Variants in PRELID3A observed in about 807,000 individuals in gnomAD.
The protein encoded by PRELID3A is PRELI domain containing protein 3A.
PRELID3A carries 27 observed loss-of-function variants against 23.0 expected under a neutral mutation model. That is an observed-to-expected ratio of 1.17 (90% CI 0.87 to 1.62). PRELID3A has a LOEUF of 1.62. PRELID3A is among the 40% of genes most tolerant of loss of function. PRELID3A has a pLI of 0.00. For missense variants in PRELID3A, 231 were observed against 231.4 expected, an observed-to-expected ratio of 1.00 and a Z score of 0.01; for synonymous variants, 87 against 86.4, an observed-to-expected ratio of 1.01 and a Z score of -0.04.
chr18:12,414,619 G>C (rs112757295), intron 1 of PRELID3A, among the ~76,000 whole-genome samples: 7 of 152,146 alleles, frequency 4.6e-5, no homozygotes, highest in South Asian at 2.1e-4. Flanking sequence ...CTAGCTACTC[G>C]GGAAGCTGAG....
intron 5 of PRELID3A, among the ~76,000 whole-genome samples, chr18:12,427,546 T>A (rs938246959): frequency 5.9e-5 from 9 of 151,848 alleles, no homozygotes; most frequent in Non-Finnish European, 8.8e-5. Flanking sequence ...AATACAAAAA[T>A]TAGCTGGGCA....
Position 12,432,043 on chromosome 18 carries a change from A to G in PRELID3A, c.*927A>G, listed in dbSNP as rs1225657555. 2.0e-5 allele frequency: 3 copies of G among 152,276 alleles called. No homozygotes were observed. Among genetic ancestry groups the G allele is most frequent in the East Asian group, 3.8e-4 (2 of 5,200 alleles). The allele number at this position is 152,276 out of a possible 1,614,324, so 9.4% of individuals were successfully genotyped here. A position where few individuals can be genotyped will look rare whatever the true frequency, so the allele number is the denominator to read the frequency against. On this transcript the variant is annotated 3_prime_UTR_variant, in exon 7 of 7. Coordinates refer to ENST00000440960, the MANE Select transcript of PRELID3A (RefSeq NM_001142405.2). ...AAACAACATTAATTTTAAAAAATAC[A>G]TAAAAGCAACCCATGCTTATGGTTA...
intron 3 of PRELID3A, among the ~76,000 whole-genome samples, chr18:12,423,985 G>T (rs78486420): frequency 0.014 from 2,061 of 152,302 alleles, 50 homozygotes; most frequent in African/African-American, 0.046. Context: ...TCCGTAGAAG[G>T]CAGTGGGTGC....
chr18:12,408,124 G>C, intron 1 of PRELID3A, 117 bp downstream of exon 1: 2 of 955,076 alleles, frequency 2.1e-6, no homozygotes, highest in Non-Finnish European at 2.7e-6. Flanking sequence ...GGAGATCCCC[G>C]CCCCGCGCCG....
At chr18:12,419,212 G>A (rs2030057626) in intron 1 of PRELID3A, among the ~76,000 whole-genome samples, 1 of 151,438 alleles carries the variant, frequency 6.6e-6, no homozygotes, top group Non-Finnish European at 1.5e-5. Flanking sequence ...TGTAGTCCCA[G>A]CTACTAGGGA....
chr18:12,417,127 G>A (rs1310595595), intron 1 of PRELID3A, among the ~76,000 whole-genome samples: 1 of 152,146 alleles, frequency 6.6e-6, no homozygotes, highest in East Asian at 1.9e-4. Context: ...ATTTTAAGCA[G>A]ATTGTATTTA....
At chr18:12,430,955 G>A (rs1238513225) in intron 6 of PRELID3A, among the ~76,000 whole-genome samples, 195 bp from the exon 7 acceptor site, 1 of 151,058 alleles carries the variant, frequency 6.6e-6, no homozygotes, top group Non-Finnish European at 1.5e-5. Context: ...TGCTGTGTGT[G>A]ATTTGTGCAT....
chr18:12,420,135 G>A, intron 1 of PRELID3A, 190 bp from the exon 2 acceptor site: 2 of 1,426,266 alleles, frequency 1.4e-6, no homozygotes, highest in Non-Finnish European at 1.8e-6. Context: ...GCTGCCAGGT[G>A]CCGAGGCGTG....
intron 1 of PRELID3A, among the ~76,000 whole-genome samples, chr18:12,411,912 C>CTT (rs773964175): frequency 0.14 from 19,005 of 137,960 alleles, 1,708 homozygotes; most frequent in East Asian, 0.32. Flanking sequence ...TCTTTTCTTT[C>CTT]TTTTTTTTTT....
At chr18:12,420,833 G>A (rs1361317920) in intron 2 of PRELID3A, among the ~76,000 whole-genome samples, 2 of 150,246 alleles carry the variant, frequency 1.3e-5, no homozygotes, top group East Asian at 4.0e-4. Flanking sequence ...TCGAGATCGG[G>A]GGTCGCGGGA....
chr18:12,428,551 C>A (rs2030450672), intron 5 of PRELID3A, among the ~76,000 whole-genome samples: 2 of 152,190 alleles, frequency 1.3e-5, no homozygotes, highest in African/African-American at 4.8e-5. Flanking sequence ...AACTCTCCAA[C>A]TAGTGGAAAA....
chr18:12,420,382 C>A lies in PRELID3A; in HGVS notation c.90C>A (p.Asn30Lys), dbSNP rs1358990510. 2 of 1,611,034 alleles carry A rather than the reference C, an allele frequency of 1.2e-6. No homozygotes were observed. The highest frequency in any genetic ancestry group is 2.7e-5 in the African/African-American group (2 of 74,882). The change falls in exon 2 of 7, where the codon AAC becomes AAA. Residue 30 changes from asparagine to lysine, a missense_variant. Asn to Lys is a moderately conservative substitution (Grantham distance 94, BLOSUM62 0). Transcript: ENST00000440960. ...AAMRKYPNPMNPSVLGVDVLQ... is the reference protein window; with the variant it reads ...AAMRKYPNPMKPSVLGVDVLQ... Reference sequence around the variant, plus strand: ...TGCGCAAGTACCCGAACCCGATGAACCCGAGCGTGCTGGGCGTGGATGTGC... The same window carrying A: ...TGCGCAAGTACCCGAACCCGATGAAACCGAGCGTGCTGGGCGTGGATGTGC...
At chr18:12,430,713 T>TATAC in intron 6 of PRELID3A, among the ~76,000 whole-genome samples, 1 of 149,098 alleles carries the variant, frequency 6.7e-6, no homozygotes, top group Admixed American at 6.7e-5. Context: ...AATGTGTGTA[T>TATAC]AGTGTGTGCT....
chr18:12,412,012 G>A (rs1184082297), intron 1 of PRELID3A, among the ~76,000 whole-genome samples: 6 of 150,226 alleles, frequency 4.0e-5, no homozygotes, highest in South Asian at 2.1e-4. Flanking sequence ...CCGGGTTCAC[G>A]CCATTCTCCT....
At chr18:12,420,044 A>G in intron 1 of PRELID3A, 1 of 1,110,874 alleles carries the variant, frequency 9.0e-7, no homozygotes, top group Non-Finnish European at 1.2e-6. Context: ...TTGAGTCTGC[A>G]GTGACCCTGA....
At position 12,421,598 on chromosome 18, in the gene PRELID3A, T is replaced by A; in HGVS notation, c.260T>A (p.Val87Glu). 6.2e-7 allele frequency: 1 copy of A among 1,613,544 alleles called. No individual in the cohort carries two copies. The highest frequency in any genetic ancestry group is 1.1e-5 in the South Asian group (1 of 91,030). Reference sequence around the variant, plus strand: ...CGAGAACATTCTGTGGTGGATCCAGTGGAAAAGAAAATGGAACTTTGTTCT... The same window carrying A: ...CGAGAACATTCTGTGGTGGATCCAGAGGAAAAGAAAATGGAACTTTGTTCT... ...YIREHSVVDP[V>E]EKKMELCSTN... is the part of the protein sequence containing the mutation. Residue 87 changes from valine (V) to glutamate (E), a missense_variant, in exon 3 of 7, where the codon GTG (valine) becomes GAG (glutamate). Transcript: ENST00000440960.
At chr18:12,426,123 C>T (rs1299834374) in intron 3 of PRELID3A, among the ~76,000 whole-genome samples, 2 of 151,750 alleles carry the variant, frequency 1.3e-5, no homozygotes, top group Non-Finnish European at 2.9e-5. Flanking sequence ...CCTGTAATCC[C>T]AGCTACTCCG....
rs1405243982 is a variant in PRELID3A, at chr18:12,421,565, C to T, written c.227C>T (p.Thr76Ile). 1 of 1,613,532 alleles carries T rather than the reference C, an allele frequency of 6.2e-7. No homozygotes were observed. Among genetic ancestry groups the T allele is most frequent in the Non-Finnish European group, 8.5e-7 (1 of 1,179,574 alleles). Residue 76 changes from threonine (T) to isoleucine (I), a missense_variant, in exon 3 of 7, where the codon ACA (threonine) becomes ATA (isoleucine). Thr to Ile is a moderately conservative substitution (Grantham distance 89). Transcript: ENST00000440960. ...RAILGTSRTL[T>I]YIREHSVVDP... The stretch of plus-strand genomic sequence containing the variant: ...ATTTTGGGAACCAGTAGGACATTGA[C>T]ATACATCCGAGAACATTCTGTGGTG...
Position 12,408,325 on chromosome 18 carries a change from C to CGGGGGCGGCCGGAGCCGG in PRELID3A, c.32+331_32+348dup, listed in dbSNP as rs1287718077. On this transcript the variant is annotated intron_variant, in intron 1 of 6. Coordinates refer to ENST00000440960, the MANE Select transcript of PRELID3A (RefSeq NM_001142405.2). ...GCAGCCGGAGCGGGGGCGGCCGGGG[C>CGGGGGCGGCCGGAGCCGG]GGGGGCGGCCGGAGCCGGGGGGGCG... 4.7e-5 allele frequency among the ~76,000 whole-genome samples: 7 copies of CGGGGGCGGCCGGAGCCGG among 150,088 alleles called. No homozygotes were observed. The South Asian group carries it at 6.3e-4, about 13-fold the overall frequency.
Sources: gnomAD v4.1 joint callset for allele counts (sites outside exome capture counted in the v4.1 genomes callset) on GRCh38, gnomAD v4.1.1 for gene constraint, MANE v1.5 for transcripts, NCBI Gene and HGNC (gene_info 2026-07-23, HGNC 2026-07-21) for gene names.